Variants in TRANK1 observed in about 807,000 individuals in gnomAD.
TRANK1 encodes the protein TPR and ankyrin repeat-containing protein 1.
TRANK1 carries 198 observed loss-of-function variants against 266.0 expected under a neutral mutation model. The observed-to-expected ratio is 0.74, with a 90% CI of 0.66 to 0.84. The LOEUF (loss-of-function observed/expected upper bound fraction) is 0.84, where lower values mean the gene tolerates loss of function less well. Ranked by LOEUF, TRANK1 falls within the 40% of genes least tolerant of loss-of-function variation. The pLI is 0.00. For synonymous variants in TRANK1, 1,396 were observed against 1,384.1 expected (o/e 1.01, Z -0.19); for missense variants, 3,326 against 3,634.6 (o/e 0.92, Z 2.18).
In TRANK1 at chr3:36,899,151, G is replaced by C; in HGVS notation, c.391C>G (p.Pro131Ala). The C allele has an allele frequency of 6.5e-7, 1 of 1,537,210 alleles. No homozygotes were observed. The highest frequency in any genetic ancestry group is 2.4e-5 in the East Asian group (1 of 40,908). ...RLVQRSQDQA[P>A]VADFLVGVFT... ...ACTCCAACAAGGAAATCAGCAACCG[G>C]TGCCTGGTCTTGGCTTCTCTGCACA... The change falls in exon 4 of 24, where the codon CCG becomes GCG. Residue 131 changes from proline to alanine, a missense_variant. By Grantham distance (27) the Pro-to-Ala change is conservative (BLOSUM62 -1). Transcript: ENST00000645898.
chr3:36,879,165 A>G (rs1365203600), intron 8 of TRANK1, among the ~76,000 whole-genome samples: 3 of 151,924 alleles, frequency 2.0e-5, no homozygotes, highest in Non-Finnish European at 4.4e-5. Context: ...AAAAAAAAAA[A>G]GAAAGAAAAC....
intron 18 of TRANK1, among the ~76,000 whole-genome samples, chr3:36,841,804 A>T (rs1461374586): frequency 6.6e-6 from 1 of 152,194 alleles, no homozygotes; most frequent in Non-Finnish European, 1.5e-5. Flanking sequence ...CAAGCTGCAG[A>T]TGACACAGGG....
intron 1 of TRANK1, among the ~76,000 whole-genome samples, chr3:36,927,068 TC>T (rs2080298624): frequency 1.3e-5 from 2 of 152,076 alleles, no homozygotes; most frequent in South Asian, 4.2e-4. Flanking sequence ...AACTAATGAA[TC>T]CCCTTTGGAG....
chr3:36,906,546 G>A (rs1240692766), intron 2 of TRANK1, among the ~76,000 whole-genome samples: 1 of 152,172 alleles, frequency 6.6e-6, no homozygotes, highest in African/African-American at 2.4e-5. Context: ...AGGATTTTAG[G>A]AATAGGAGAT....
At chr3:36,926,634 T>C (rs879696148) in intron 1 of TRANK1, among the ~76,000 whole-genome samples, 1 of 152,134 alleles carries the variant, frequency 6.6e-6, no homozygotes, top group African/African-American at 2.4e-5. Context: ...AGTTACATCA[T>C]TAACTATAAT....
In TRANK1 at chr3:36,831,399, CA is replaced by C. The variant is rs1404893179; in HGVS notation, c.8183del (p.Leu2728ArgfsTer47). The stretch of plus-strand genomic sequence containing the variant: ...TCCAACTGATGCACAGAGACACCAC[CA>C]GGCATGCCCTCCTCAACTTCCGCTG... ...SIQRKLRRAC[L>X]VVSLCISWRR... On this transcript the variant is annotated frameshift_variant, in exon 22 of 24. Transcript: ENST00000645898. LOFTEE classifies it high-confidence loss of function. The surrounding 1 kb of genome is among the most constrained non-coding windows in gnomAD (Gnocchi z 5.0). The C allele has an allele frequency of 6.2e-7, 1 of 1,613,032 alleles. No homozygotes were observed. The highest frequency in any genetic ancestry group is 1.7e-5 in the Admixed American group (1 of 59,842).
intron 15 of TRANK1, chr3:36,850,602 C>T (rs930084228): frequency 9.7e-5 from 75 of 777,008 alleles, no homozygotes; most frequent in Admixed American, 1.3e-4. Flanking sequence ...GACCATATCT[C>T]TATAAAAATA....
At chr3:36,881,604 A>T (rs908577884) in intron 8 of TRANK1, among the ~76,000 whole-genome samples, 4 of 152,206 alleles carry the variant, frequency 2.6e-5, no homozygotes, top group African/African-American at 4.8e-5. Flanking sequence ...CACAAGGAGA[A>T]TCTCTCTCAA....
intron 3 of TRANK1, among the ~76,000 whole-genome samples, chr3:36,902,022 G>T (rs2079890614): frequency 6.6e-6 from 1 of 152,108 alleles, no homozygotes; most frequent in Non-Finnish European, 1.5e-5. Context: ...TAAAGCAGAG[G>T]TATCCAATCT....
chr3:36,833,633 C>G lies in TRANK1; in HGVS notation c.5950G>C (p.Asp1984His). The change falls in exon 22 of 24, where the codon GAC becomes CAC. Residue 1984 changes from aspartate (D) to histidine (H), a missense_variant. Coordinates refer to ENST00000645898, the MANE Select transcript of TRANK1 (RefSeq NM_001329998.2). Reference protein sequence around the residue: ...CLLEAARLTADKDFQASCLLG... With the variant: ...CLLEAARLTAHKDFQASCLLG... ...AGACATGAGGCCTGGAAGTCCTTGT[C>G]GGCAGTGAGCCTGGCAGCCTCCAGG... 6.2e-7 allele frequency: 1 copy of G among 1,613,918 alleles called. No individual in the cohort carries two copies. Among genetic ancestry groups the G allele is most frequent in the Middle Eastern group, 1.6e-4 (1 of 6,062 alleles).
At chr3:36,940,219 C>T (rs1166248648) in intron 1 of TRANK1, among the ~76,000 whole-genome samples, 4 of 150,032 alleles carry the variant, frequency 2.7e-5, no homozygotes, top group African/African-American at 9.8e-5. Context: ...GCTCCTTGGC[C>T]GGGCGCAGTG....
chr3:36,865,674 C>A (rs898608604), intron 9 of TRANK1, among the ~76,000 whole-genome samples: 13 of 152,054 alleles, frequency 8.5e-5, no homozygotes, highest in African/African-American at 3.1e-4. Flanking sequence ...GAGTTCAAGA[C>A]CAGCCTGAGC....
intron 2 of TRANK1, among the ~76,000 whole-genome samples, chr3:36,904,914 A>G (rs1389570508): frequency 6.6e-6 from 1 of 151,926 alleles, no homozygotes; most frequent in East Asian, 1.9e-4. Flanking sequence ...TCCTCAGCCT[A>G]ATGAGAGCTA....
chr3:36,931,444 C>T (rs1339966504), intron 1 of TRANK1, among the ~76,000 whole-genome samples: 5 of 152,208 alleles, frequency 3.3e-5, no homozygotes, highest in Non-Finnish European at 5.9e-5. Flanking sequence ...GTGGCTCATG[C>T]TTGTAATCCC....
chr3:36,831,300 CT>C lies in TRANK1; in HGVS notation c.8282del (p.Lys2761ArgfsTer14), dbSNP rs777769491. On this transcript the variant is annotated frameshift_variant, in exon 22 of 24. Coordinates refer to ENST00000645898, the MANE Select transcript of TRANK1 (RefSeq NM_001329998.2). LOFTEE classifies it high-confidence loss of function. The surrounding 1 kb of genome is among the most constrained non-coding windows in gnomAD (Gnocchi z 5.0). Reference sequence around the variant, plus strand: ...CACACTGGGTCCTGTCCACGTCTGCCTTTTTGAAGTTCCCAGCCCTGGGCTC... The same window carrying C: ...CACACTGGGTCCTGTCCACGTCTGCCTTTTGAAGTTCCCAGCCCTGGGCTC... ...AREPRAGNFK[K>X]ADVDRTQCDL... 1 of 1,613,514 alleles carries C rather than the reference CT, an allele frequency of 6.2e-7. No individual in the cohort carries two copies. Among genetic ancestry groups the C allele is most frequent in the Non-Finnish European group, 8.5e-7 (1 of 1,179,868 alleles).
Position 36,833,794 on chromosome 3 carries a change from A to G in TRANK1, c.5789T>C (p.Val1930Ala). The G allele has an allele frequency of 6.2e-7, 1 of 1,614,014 alleles. No individual in the cohort carries two copies. The highest frequency in any genetic ancestry group is 1.1e-5 in the South Asian group (1 of 91,090). Reference sequence around the variant, plus strand: ...GTCTTCTATGTCTAGCTTTGAGAGGACAGCCATCATTTCCTTCATCTTATT... The same window carrying G: ...GTCTTCTATGTCTAGCTTTGAGAGGGCAGCCATCATTTCCTTCATCTTATT... ...SANKMKEMMA[V>A]LSKLDIEDQL... Residue 1930 changes from valine (V) to alanine (A), a missense_variant, in exon 22 of 24, where the codon GTC becomes GCC. Coordinates refer to ENST00000645898, the MANE Select transcript of TRANK1 (RefSeq NM_001329998.2).
Position 36,832,149 on chromosome 3 carries a change from G to A in TRANK1, c.7434C>T (p.Leu2478=). 2 of 1,613,972 alleles carry A rather than the reference G, an allele frequency of 1.2e-6. No homozygotes were observed. Among genetic ancestry groups the A allele is most frequent in the Non-Finnish European group, 1.7e-6 (2 of 1,179,892 alleles). The change falls in exon 22 of 24, where the codon CTC becomes CTT. Residue 2478 remains leucine, a synonymous_variant. Transcript: ENST00000645898. ...ARLWKNVILC[L]PKSYIALLHY... ...GCAAGAGTGCAATGTAGCTCTTGGG[G>A]AGGCATAGAATGACATTCTTCCAGA...
chr3:36,887,800 C>T lies in TRANK1; in HGVS notation c.907+2029G>A, dbSNP rs578188277. 7.9e-5 allele frequency among the ~76,000 whole-genome samples: 12 copies of T among 152,306 alleles called. No homozygotes were observed. The South Asian group carries it at 2.3e-3, about 29-fold the overall frequency. On this transcript the variant is annotated intron_variant, in intron 8 of 23. Transcript: ENST00000645898. ...AAGAGCTAGTTGTTTGCCAGAATAT[C>T]ACTGTCTTTGAGAAGGGACTAAAAC...
intron 7 of TRANK1, among the ~76,000 whole-genome samples, chr3:36,890,771 C>A (rs2079680851): frequency 1.3e-5 from 2 of 152,194 alleles, no homozygotes; most frequent in South Asian, 4.1e-4. Context: ...CCTCTGCCAA[C>A]TCTTTGGATG....
Sources: gnomAD v4.1 joint callset for allele counts (sites outside exome capture counted in the v4.1 genomes callset) on GRCh38, gnomAD v4.1.1 for gene constraint, Gnocchi (gnomAD v3.1) non-coding constraint, MANE v1.5 for transcripts, NCBI Gene and HGNC (gene_info 2026-07-23, HGNC 2026-07-21) for gene names.